The following CSTPP1 variants were observed in gnomAD, a reference collection of about 807,000 sequenced individuals.
CSTPP1 encodes UPF0705 protein C11orf49.
chr11:47,048,609 A>C, the CSTPP1 span, among the ~76,000 whole-genome samples: 41 of 151,634 alleles, frequency 2.7e-4, no homozygotes, highest in African/African-American at 9.4e-4. Flanking sequence ...CACTTATATG[A>C]GGTACTTAGA....
At chr11:46,941,268 T>G in the CSTPP1 span, among the ~76,000 whole-genome samples, 10 of 152,342 alleles carry the variant, frequency 6.6e-5, no homozygotes, top group Non-Finnish European at 1.2e-4. Flanking sequence ...TGTCTTTAGT[T>G]GAGAACTATC....
chr11:47,087,486 G>A, the CSTPP1 span, among the ~76,000 whole-genome samples: 1 of 152,278 alleles, frequency 6.6e-6, no homozygotes, highest in East Asian at 1.9e-4. Context: ...AGATCACAAG[G>A]TCAGGAGATC....
the CSTPP1 span, among the ~76,000 whole-genome samples, chr11:46,982,119 C>CTTT: frequency 2.0e-5 from 3 of 149,020 alleles, no homozygotes; most frequent in African/African-American, 7.3e-5. Flanking sequence ...AACAGGTTTA[C>CTTT]TTTTTTTTTT....
At chr11:46,995,556 AGTTGT>A in the CSTPP1 span, among the ~76,000 whole-genome samples, 1 of 152,070 alleles carries the variant, frequency 6.6e-6, no homozygotes, top group Non-Finnish European at 1.5e-5. Flanking sequence ...TTCAGGAGCA[AGTTGT>A]TCAGTTTCCA....
the CSTPP1 span, among the ~76,000 whole-genome samples, chr11:46,998,473 C>G: frequency 1.3e-5 from 2 of 152,194 alleles, no homozygotes; most frequent in Non-Finnish European, 2.9e-5. Context: ...GTGACACATA[C>G]CTGACACTTC....
chr11:47,141,468 G>A, the CSTPP1 span, among the ~76,000 whole-genome samples: 1 of 152,024 alleles, frequency 6.6e-6, no homozygotes, highest in East Asian at 1.9e-4. Context: ...TTAGCCAGGC[G>A]TGGTGGTGTG....
At chr11:47,107,262 T>C in the CSTPP1 span, among the ~76,000 whole-genome samples, 1 of 152,102 alleles carries the variant, frequency 6.6e-6, no homozygotes. Flanking sequence ...TATTAAAGAG[T>C]GTTTGTGAGA....
At chr11:47,029,365 G>A in the CSTPP1 span, among the ~76,000 whole-genome samples, 2 of 152,036 alleles carry the variant, frequency 1.3e-5, no homozygotes, top group African/African-American at 4.8e-5. Flanking sequence ...CCAGCACTTT[G>A]GGAGGCTGAG....
chr11:46,998,785 G>A, the CSTPP1 span, among the ~76,000 whole-genome samples: 1 of 151,964 alleles, frequency 6.6e-6, no homozygotes, highest in Non-Finnish European at 1.5e-5. Context: ...GCCCAGGCTG[G>A]GGTGCAGTGG....
At chr11:47,145,575 G>A in the CSTPP1 span, among the ~76,000 whole-genome samples, 1 of 152,080 alleles carries the variant, frequency 6.6e-6, no homozygotes, top group Non-Finnish European at 1.5e-5. Context: ...TCGCACCATT[G>A]CACTCCAGCC....
chr11:47,062,053 G>T, the CSTPP1 span, among the ~76,000 whole-genome samples: 1 of 151,908 alleles, frequency 6.6e-6, no homozygotes, highest in African/African-American at 2.4e-5. Context: ...AGTTTTAAAG[G>T]TCAGGTCCTT....
chr11:47,035,906 T>C, the CSTPP1 span, among the ~76,000 whole-genome samples: 1 of 151,062 alleles, frequency 6.6e-6, no homozygotes, highest in South Asian at 2.1e-4. Context: ...TTCAAATCCA[T>C]GCTGTTCAAA....
chr11:47,064,049 T>G, the CSTPP1 span, among the ~76,000 whole-genome samples: 2 of 152,206 alleles, frequency 1.3e-5, no homozygotes, highest in Non-Finnish European at 2.9e-5. Flanking sequence ...TATCTCATGG[T>G]TTTGATTTGC....
the CSTPP1 span, among the ~76,000 whole-genome samples, chr11:46,946,108 A>C: frequency 6.6e-6 from 1 of 152,218 alleles, no homozygotes; most frequent in African/African-American, 2.4e-5. Flanking sequence ...AGTAAGTTCT[A>C]AGCCATGTTG....
the CSTPP1 span, among the ~76,000 whole-genome samples, chr11:47,141,169 A>G: frequency 6.6e-6 from 1 of 152,136 alleles, no homozygotes; most frequent in Non-Finnish European, 1.5e-5. Context: ...ATATTTCCAG[A>G]GTTGTGCATC....
chr11:47,061,111 T>G, the CSTPP1 span, among the ~76,000 whole-genome samples: 3 of 152,198 alleles, frequency 2.0e-5, no homozygotes, highest in African/African-American at 7.2e-5. Context: ...TCTTTCATCT[T>G]TTATGTTTCA....
the CSTPP1 span, among the ~76,000 whole-genome samples, chr11:46,963,527 TA>T: frequency 1.3e-5 from 2 of 151,904 alleles, no homozygotes; most frequent in Non-Finnish European, 2.9e-5. Context: ...AAAAAGATAT[TA>T]GGGGCCGGGC....
chr11:47,023,075 C>G, the CSTPP1 span, among the ~76,000 whole-genome samples: 1 of 152,146 alleles, frequency 6.6e-6, no homozygotes, highest in Non-Finnish European at 1.5e-5. Context: ...TAACAGGCTT[C>G]TAAGTGATGC....
chr11:47,038,819 C>G, the CSTPP1 span, among the ~76,000 whole-genome samples: 1 of 119,596 alleles, frequency 8.4e-6, no homozygotes, highest in Non-Finnish European at 2.0e-5. Flanking sequence ...CTCCTCACTT[C>G]TCAGACGGGG....
Sources: allele counts gnomAD v4.1 joint callset (sites outside exome capture counted in the v4.1 genomes callset), GRCh38; gene constraint gnomAD v4.1.1; transcripts MANE v1.5; gene names NCBI Gene and HGNC (gene_info 2026-07-23, HGNC 2026-07-21).